The following RADIL variants were observed in gnomAD, a reference collection of about 807,000 sequenced individuals.
The protein encoded by RADIL is Rap associating with DIL domain, also known as ras-associating and dilute domain-containing protein.
A neutral mutation model predicts 97.6 loss-of-function variants in RADIL; 99 were observed. The ratio of observed to expected loss-of-function variants is 1.01; its 90% CI spans 0.86 to 1.20. The LOEUF (loss-of-function observed/expected upper bound fraction) is 1.20. RADIL is among the 50% of genes most tolerant of loss of function. The pLI is 0.00. For synonymous variants in RADIL, 803 were observed against 691.8 expected (o/e 1.16, Z -2.52); for missense variants, 1,765 against 1,498.9 (o/e 1.18, Z -2.93).
At position 4,824,922 on chromosome 7, in the gene RADIL, C is replaced by A. The variant is rs1782932297; in HGVS notation, c.1455-2368G>T. On this transcript the variant is annotated intron_variant, in intron 5 of 14. Transcript: ENST00000399583. The surrounding 1 kb of genome is among the most constrained non-coding windows in gnomAD (Gnocchi z 6.7). ...CAGGCCTGTCCCAGGAAACAAGTGA[C>A]CAGGCTTTGCAACTGGAGTTTCGGG... Among the ~76,000 whole-genome samples, 2 of 152,208 alleles carry A rather than the reference C, an allele frequency of 1.3e-5. No homozygotes were observed. Among genetic ancestry groups the A allele is most frequent in the South Asian group, 4.1e-4 (2 of 4,830 alleles).
At chr7:4,843,949 G>A (rs984509942) in intron 2 of RADIL, among the ~76,000 whole-genome samples, 3 of 149,154 alleles carry the variant, frequency 2.0e-5, no homozygotes, top group South Asian at 2.1e-4. Context: ...CGAAGGAACT[G>A]TGGCTAAACA....
rs986383206 is a variant in RADIL at position 4,873,135 on chromosome 7, G to A, written c.535+4470C>T. Among the ~76,000 whole-genome samples the A allele has an allele frequency of 2.6e-5, 4 of 152,166 alleles. No individual in the cohort carries two copies. Among genetic ancestry groups the A allele is most frequent in the Non-Finnish European group, 2.9e-5 (2 of 68,038 alleles). On this transcript the variant is annotated intron_variant, in intron 2 of 14. Coordinates refer to ENST00000399583, the MANE Select transcript of RADIL (RefSeq NM_018059.5). This position sits in a 1 kb window ranked among gnomAD's most constrained non-coding sequence, Gnocchi z 4.3. ...TTCAGTAGAGACGGGGTTTCACCATGTTGGTCAGACTGGTCTTGAACTCCT... is the reference window on the plus strand; with the variant it reads ...TTCAGTAGAGACGGGGTTTCACCATATTGGTCAGACTGGTCTTGAACTCCT...
Position 4,797,660 on chromosome 7 carries a change from A to G in RADIL, c.*1718T>C, listed in dbSNP as rs1781960008. The stretch of plus-strand genomic sequence containing the variant: ...GTGAGACATTCTCGGCAGTGCTAAC[A>G]CACACGTTGTGGGACTCCTAGGAAA... On this transcript the variant is annotated 3_prime_UTR_variant, in exon 15 of 15. Transcript: ENST00000399583. 1.3e-5 allele frequency: 2 copies of G among 152,352 alleles called. No individual in the cohort carries two copies. The highest frequency in any genetic ancestry group is 2.1e-4 in the South Asian group (1 of 4,830). The allele number at this position is 152,352 out of a possible 1,614,324, so 9.4% of individuals were successfully genotyped here.
At position 4,854,584 on chromosome 7, in the gene RADIL, C is replaced by G. The variant is rs1038621078; in HGVS notation, c.536-17979G>C. Among the ~76,000 whole-genome samples the G allele has an allele frequency of 6.6e-6, 1 of 152,264 alleles. No individual in the cohort carries two copies. The highest frequency in any genetic ancestry group is 6.5e-5 in the Admixed American group (1 of 15,294). On this transcript the variant is annotated intron_variant, in intron 2 of 14. Coordinates refer to ENST00000399583, the MANE Select transcript of RADIL (RefSeq NM_018059.5). The surrounding 1 kb of genome is among the most constrained non-coding windows in gnomAD (Gnocchi z 5.1). The stretch of plus-strand genomic sequence containing the variant: ...TGGCGGGCGCCTGTAATCCCAGCTA[C>G]TCGGAAGACTGAGACAGGAGAATTA...
At chr7:4,826,051 C>A (rs993320662) in intron 5 of RADIL, among the ~76,000 whole-genome samples, 4 of 150,854 alleles carry the variant, frequency 2.7e-5, no homozygotes, top group African/African-American at 4.9e-5. Context: ...CAGAAAAAAT[C>A]AAAAAATTAG....
rs1044952386 is a variant in RADIL at position 4,873,277 on chromosome 7, C to T, written c.535+4328G>A. Reference sequence around the variant, plus strand: ...GGAGTAATGGGAAATTATTGAAAAACAGTGTTACAGTGTTGAGCAACCTGG... The same window carrying T: ...GGAGTAATGGGAAATTATTGAAAAATAGTGTTACAGTGTTGAGCAACCTGG... On this transcript the variant is annotated intron_variant, in intron 2 of 14. Transcript: ENST00000399583. This position sits in a 1 kb window ranked among gnomAD's most constrained non-coding sequence, Gnocchi z 4.3. Among the ~76,000 whole-genome samples the T allele has an allele frequency of 6.6e-6, 1 of 152,132 alleles. No individual in the cohort carries two copies. The highest frequency in any genetic ancestry group is 2.4e-5 in the African/African-American group (1 of 41,424).
chr7:4,806,151 T>C lies in RADIL; in HGVS notation c.2140-435A>G, dbSNP rs901611405. ...GACAGGAGGCAGGGAAAACATTTGT[T>C]TGTTTGCTTGTTTTTTGAGACAGAG... On this transcript the variant is annotated intron_variant, in intron 9 of 14. Coordinates refer to ENST00000399583, the MANE Select transcript of RADIL (RefSeq NM_018059.5). 3.8e-5 allele frequency: 30 copies of C among 794,122 alleles called. No individual in the cohort carries two copies. In the Middle Eastern group the frequency reaches 2.6e-3, roughly 68 times the overall value. The allele number at this position is 794,122 out of a possible 1,614,324, so 49.2% of individuals were successfully genotyped here.
chr7:4,820,798 G>A lies in RADIL; in HGVS notation c.1615+1596C>T, dbSNP rs138260333. Among the ~76,000 whole-genome samples, 1,449 of 152,188 alleles carry A rather than the reference G, an allele frequency of 9.5e-3. 21 individuals carry two copies. Among genetic ancestry groups the A allele is most frequent in the African/African-American group, 0.033 (1,372 of 41,532 alleles). On this transcript the variant is annotated intron_variant, in intron 6 of 14. Coordinates refer to ENST00000399583, the MANE Select transcript of RADIL (RefSeq NM_018059.5). The stretch of plus-strand genomic sequence containing the variant: ...GGTCTCTGCAGCCCGGCCCCCGCCC[G>A]GAGGCTGAGGACTGGGCCCCGACGC...
At position 4,802,009 on chromosome 7, in the gene RADIL, G is replaced by C; in HGVS notation, c.2500-14C>G. The stretch of plus-strand genomic sequence containing the variant: ...GTGGTGCATACCCTAGGGAGAGGAA[G>C]GGTGACAGCTCAGGTAGAGGAGTGG... On this transcript the variant is annotated splice_polypyrimidine_tract_variant and intron_variant, in intron 11 of 14. Coordinates refer to ENST00000399583, the MANE Select transcript of RADIL (RefSeq NM_018059.5). 2 of 1,486,158 alleles carry C rather than the reference G, an allele frequency of 1.3e-6. No homozygotes were observed. The highest frequency in any genetic ancestry group is 2.4e-5 in the East Asian group (1 of 42,510). 92.1% of individuals were successfully genotyped at this position (1,486,158 alleles called of 1,614,324 possible).
chr7:4,827,362 CAAA>C (rs75389601), intron 5 of RADIL, among the ~76,000 whole-genome samples: 2 of 107,166 alleles, frequency 1.9e-5, no homozygotes, highest in Non-Finnish European at 2.0e-5. Context: ...GAGACTGTCT[CAAA>C]AAAAAAAAAA....
intron 12 of RADIL, among the ~76,000 whole-genome samples, chr7:4,800,666 T>G (rs1020475606): frequency 4.6e-5 from 7 of 152,124 alleles, no homozygotes; most frequent in Non-Finnish European, 7.4e-5. Context: ...CACCCAGATG[T>G]GGCCATGTGC....
At chr7:4,876,592 C>G (rs760135599) in intron 2 of RADIL, among the ~76,000 whole-genome samples, 2 of 151,898 alleles carry the variant, frequency 1.3e-5, no homozygotes, top group Non-Finnish European at 2.9e-5. Context: ...TGAGCCACCG[C>G]GCCTGGCCAA....
chr7:4,877,757 G>A lies in RADIL; in HGVS notation c.383C>T (p.Ala128Val). The change falls in exon 2 of 15, where the codon GCC (alanine) becomes GTC (valine). Residue 128 changes from alanine to valine, a missense_variant. Transcript: ENST00000399583. ...QAGDAGQRWQ[A>V]RCFRVFGDSE... ...GTCCCCAAACACCCGAAAGCACCGG[G>A]CCTGCCACCGCTGCCCAGCATCGCC... is the stretch of plus-strand genomic sequence containing the variant. 1 of 1,613,442 alleles carries A rather than the reference G, an allele frequency of 6.2e-7. No individual in the cohort carries two copies. The highest frequency in any genetic ancestry group is 8.5e-7 in the Non-Finnish European group (1 of 1,180,016).
intron 1 of RADIL, among the ~76,000 whole-genome samples, chr7:4,882,897 G>A (rs1017418940): frequency 2.0e-5 from 3 of 151,432 alleles, no homozygotes; most frequent in Non-Finnish European, 2.9e-5. Flanking sequence ...CCAAACACTT[G>A]ACAGGCGACA....
In RADIL at chr7:4,822,481, T is replaced by A. The variant is rs1246593048; in HGVS notation, c.1528A>T (p.Met510Leu). The change falls in exon 6 of 15, where the codon ATG (methionine) becomes TTG (leucine). Residue 510 changes from methionine (M) to leucine (L), a missense_variant. By Grantham distance (15) the Met-to-Leu change is conservative. Coordinates refer to ENST00000399583, the MANE Select transcript of RADIL (RefSeq NM_018059.5). The surrounding 1 kb of genome is among the most constrained non-coding windows in gnomAD (Gnocchi z 5.3). The part of the protein sequence containing the change: ...VPDLQPILFW[M>L]SNSIELLYFI... ...TACAGGAGCTCGATGGAGTTAGACA[T>A]CCAGAAAAGAATGGGCTGCAAGTCT... is the stretch of plus-strand genomic sequence containing the variant. 4 of 1,612,792 alleles carry A rather than the reference T, an allele frequency of 2.5e-6. No homozygotes were observed. The African/African-American group carries it at 4.0e-5, about 16-fold the overall frequency.
At chr7:4,866,123 T>C (rs1784125060) in intron 2 of RADIL, among the ~76,000 whole-genome samples, 1 of 152,154 alleles carries the variant, frequency 6.6e-6, no homozygotes, top group Non-Finnish European at 1.5e-5. Flanking sequence ...TATATCTGTG[T>C]GTGTGCGTGT....
chr7:4,832,466 A>C (rs1016558173), intron 4 of RADIL, among the ~76,000 whole-genome samples: 6 of 152,150 alleles, frequency 3.9e-5, no homozygotes, highest in African/African-American at 1.4e-4. Context: ...AGGCTGGGCA[A>C]GGTGGCTCAC....
intron 2 of RADIL, chr7:4,860,788 C>T: frequency 6.2e-7 from 1 of 1,614,218 alleles, no homozygotes; most frequent in Non-Finnish European, 8.5e-7. Context: ...CCTGTTTAAA[C>T]TCCTCAATCA....
Position 4,803,521 on chromosome 7 carries a change from G to A in RADIL, c.2499+25C>T, listed in dbSNP as rs1181618056. On this transcript the variant is annotated intron_variant, in intron 11 of 14. Transcript: ENST00000399583. ...TCCCCGGGCACCTCGGGGCACGCTG[G>A]CTGGGGGGCCCCCTCCCCGGGTACC... The A allele has an allele frequency of 1.7e-5, 26 of 1,519,848 alleles. No homozygotes were observed. In the African/African-American group the frequency reaches 3.2e-4, roughly 19 times the overall value. 94.1% of individuals were successfully genotyped at this position (1,519,848 alleles called of 1,614,324 possible).
Sources: gnomAD v4.1 joint callset for allele counts (sites outside exome capture counted in the v4.1 genomes callset) on GRCh38, gnomAD v4.1.1 for gene constraint, Gnocchi (gnomAD v3.1) non-coding constraint, MANE v1.5 for transcripts, NCBI Gene and HGNC (gene_info 2026-07-23, HGNC 2026-07-21) for gene names.